Variants in CADM2 observed in about 807,000 individuals in gnomAD.
CADM2 encodes the protein cell adhesion molecule 2.
Under a neutral mutation model 49.8 loss-of-function variants are expected in CADM2, and 12 were observed. The observed-to-expected ratio is 0.24, with a 90% CI of 0.15 to 0.39. The LOEUF (loss-of-function observed/expected upper bound fraction) is 0.39, where lower values mean the gene tolerates loss of function less well. Ranked by LOEUF, CADM2 falls within the 10% of genes least tolerant of loss-of-function variation. The pLI is 1.00. For missense variants in CADM2, 378 were observed against 492.3 expected (o/e 0.77, Z 2.20); for synonymous variants, 214 against 175.4 (o/e 1.22, Z -1.74).
intron 3 of CADM2, among the ~76,000 whole-genome samples, chr3:85,816,425 A>G (rs1277987376): frequency 6.6e-6 from 1 of 152,144 alleles, no homozygotes; most frequent in African/African-American, 2.4e-5. Context: ...ACCCTGAGCC[A>G]GGAAATAACT....
intron 1 of CADM2, among the ~76,000 whole-genome samples, chr3:85,361,056 C>T (rs1427591232): frequency 6.6e-6 from 1 of 152,150 alleles, no homozygotes; most frequent in Non-Finnish European, 1.5e-5. Flanking sequence ...TCAGAAAAAA[C>T]GTGTGTCATA....
chr3:85,935,142 A>G (rs1292906638), intron 6 of CADM2, among the ~76,000 whole-genome samples: 1 of 152,106 alleles, frequency 6.6e-6, no homozygotes, highest in Non-Finnish European at 1.5e-5. Context: ...GAAATAAATA[A>G]TTTTCTAACA....
intron 1 of CADM2, among the ~76,000 whole-genome samples, chr3:85,504,753 C>T (rs941390583): frequency 6.6e-6 from 1 of 152,286 alleles, no homozygotes; most frequent in East Asian, 1.9e-4. Context: ...AGGCTCGGGC[C>T]GCACAGGAGC....
chr3:85,028,948 G>GGT (rs1164238217), intron 1 of CADM2, among the ~76,000 whole-genome samples: 2 of 149,850 alleles, frequency 1.3e-5, no homozygotes, highest in African/African-American at 2.5e-5. Context: ...CTGTTTTACC[G>GGT]AAATAAAACA....
At chr3:85,071,786 C>T (rs1368583005) in intron 1 of CADM2, among the ~76,000 whole-genome samples, 6 of 151,980 alleles carry the variant, frequency 3.9e-5, no homozygotes, top group African/African-American at 1.4e-4. Context: ...CAGAATCCAA[C>T]TACCTTCGTT....
At chr3:85,478,524 A>G (rs2039075455) in intron 1 of CADM2, among the ~76,000 whole-genome samples, 1 of 151,882 alleles carries the variant, frequency 6.6e-6, no homozygotes, top group Non-Finnish European at 1.5e-5. Flanking sequence ...ACTTCCTTTC[A>G]TTTTCACAAT....
intron 4 of CADM2, among the ~76,000 whole-genome samples, chr3:85,885,899 G>T (rs1259359282): frequency 1.4e-5 from 2 of 147,604 alleles, no homozygotes; most frequent in Non-Finnish European, 3.0e-5. Context: ...AAACTACTTT[G>T]AGCTATATGC....
chr3:85,820,770 A>G (rs1295377415), intron 3 of CADM2, among the ~76,000 whole-genome samples: 1 of 152,136 alleles, frequency 6.6e-6, no homozygotes, highest in Non-Finnish European at 1.5e-5. Context: ...CAGAGTAGAT[A>G]TGTATTATCA....
intron 1 of CADM2, among the ~76,000 whole-genome samples, chr3:85,336,771 AG>A (rs2045089466): frequency 6.7e-6 from 1 of 149,822 alleles, no homozygotes; most frequent in Non-Finnish European, 1.5e-5. Flanking sequence ...TGAAACATTT[AG>A]AGTTCTCAAT....
At chr3:85,599,342 G>A (rs1446874584) in intron 1 of CADM2, among the ~76,000 whole-genome samples, 3 of 151,986 alleles carry the variant, frequency 2.0e-5, no homozygotes, top group African/African-American at 4.8e-5. Flanking sequence ...TATGATGGTC[G>A]GAATTACAGT....
chr3:84,968,373 A>C (rs991580729), intron 1 of CADM2, among the ~76,000 whole-genome samples: 1 of 152,032 alleles, frequency 6.6e-6, no homozygotes. Context: ...TGTGATATTC[A>C]ATGTGCCTTA....
At chr3:85,679,519 G>T (rs1431329033) in intron 1 of CADM2, among the ~76,000 whole-genome samples, 1 of 152,094 alleles carries the variant, frequency 6.6e-6, no homozygotes, top group Admixed American at 6.5e-5. Flanking sequence ...AACGATATTG[G>T]GACATAATAG....
intron 1 of CADM2, among the ~76,000 whole-genome samples, chr3:85,689,316 T>A (rs1577090185): frequency 6.6e-6 from 1 of 152,338 alleles, no homozygotes; most frequent in Middle Eastern, 3.4e-3. Flanking sequence ...TCATTGTATA[T>A]AATTTTTATC....
At chr3:85,127,859 AT>A (rs911135206) in intron 1 of CADM2, among the ~76,000 whole-genome samples, 2 of 152,126 alleles carry the variant, frequency 1.3e-5, no homozygotes, top group African/African-American at 2.4e-5. Context: ...TTTTTAGACA[AT>A]TTCCAATAAA....
Position 85,985,589 on chromosome 3 carries a change from C to A in CADM2, c.970+23942C>A, listed in dbSNP as rs372407199. 2.5e-4 allele frequency among the ~76,000 whole-genome samples: 38 copies of A among 152,080 alleles called. No homozygotes were observed. In the South Asian group the frequency reaches 6.4e-3, roughly 26 times the overall value. ...ATAAAACCAGTCTAGAAATTATAGACCCATAATTTTTAGCCCATATAATGC... is the reference window on the plus strand; with the variant it reads ...ATAAAACCAGTCTAGAAATTATAGAACCATAATTTTTAGCCCATATAATGC... On this transcript the variant is annotated intron_variant, in intron 8 of 9. Transcript: ENST00000383699.
At chr3:85,769,515 G>C (rs868580033) in intron 2 of CADM2, among the ~76,000 whole-genome samples, 1 of 30,212 alleles carries the variant, frequency 3.3e-5, no homozygotes, top group Non-Finnish European at 5.9e-5. Flanking sequence ...ATATATACAC[G>C]TATATACATA....
chr3:85,902,320 T>C (rs1716233392), intron 5 of CADM2, among the ~76,000 whole-genome samples: 2 of 152,064 alleles, frequency 1.3e-5, no homozygotes, highest in South Asian at 4.1e-4. Context: ...TGCTTTGATA[T>C]TAGTATAGTC....
chr3:85,036,219 C>G (rs572284520), intron 1 of CADM2, among the ~76,000 whole-genome samples: 51 of 152,060 alleles, frequency 3.4e-4, no homozygotes, highest in African/African-American at 1.1e-3. Flanking sequence ...AAGCACTGTT[C>G]ACATCTCCAA....
intron 1 of CADM2, among the ~76,000 whole-genome samples, chr3:85,285,706 A>G (rs1406194077): frequency 1.3e-5 from 2 of 152,018 alleles, no homozygotes; most frequent in Admixed American, 1.3e-4. Flanking sequence ...CACTAAGAAG[A>G]TCAGTTTCTT....
Sources: allele counts gnomAD v4.1 joint callset (sites outside exome capture counted in the v4.1 genomes callset), GRCh38; gene constraint gnomAD v4.1.1; transcripts MANE v1.5; gene names NCBI Gene and HGNC (gene_info 2026-07-23, HGNC 2026-07-21).